Variants in GABRG3 observed in about 807,000 individuals in gnomAD.
GABRG3 encodes gamma-aminobutyric acid receptor subunit gamma-3.
GABRG3 carries 25 observed loss-of-function variants against 48.8 expected under a neutral mutation model. The ratio of observed to expected loss-of-function variants is 0.51; its 90% CI spans 0.37 to 0.72. The LOEUF (loss-of-function observed/expected upper bound fraction) is 0.72. Among genes scored for constraint, GABRG3 ranks in the 30% least tolerant of loss-of-function variants. The pLI is 0.00. For synonymous variants in GABRG3, 227 were observed against 217.6 expected (o/e 1.04, Z -0.38); for missense variants, 394 against 577.9 (o/e 0.68, Z 3.26).
At chr15:27,059,692 G>A (rs893661947) in intron 3 of GABRG3, among the ~76,000 whole-genome samples, 2 of 152,210 alleles carry the variant, frequency 1.3e-5, no homozygotes, top group Admixed American at 1.3e-4. Flanking sequence ...ATGGCATGAA[G>A]GCGAGTGATG....
intron 6 of GABRG3, among the ~76,000 whole-genome samples, chr15:27,482,100 A>T (rs1029980304): frequency 6.6e-5 from 10 of 152,214 alleles, no homozygotes; most frequent in Non-Finnish European, 1.3e-4. Flanking sequence ...AGCTCAGAAA[A>T]GTGGCAAATA....
At chr15:26,997,184 A>G (rs1025105111) in intron 2 of GABRG3, among the ~76,000 whole-genome samples, 6 of 152,006 alleles carry the variant, frequency 3.9e-5, no homozygotes, top group African/African-American at 1.4e-4. Flanking sequence ...TATTATTTCT[A>G]TCTCTTTAAT....
At chr15:27,053,148 C>T (rs1267301004) in intron 3 of GABRG3, among the ~76,000 whole-genome samples, 1 of 152,002 alleles carries the variant, frequency 6.6e-6, no homozygotes, top group Non-Finnish European at 1.5e-5. Flanking sequence ...GCAACAAAAA[C>T]AAAAATTGAC....
rs1271310163 is a variant in GABRG3, at chr15:27,498,259, G to A, written c.712+17472G>A. On this transcript the variant is annotated intron_variant, in intron 6 of 9. Coordinates refer to ENST00000615808, the MANE Select transcript of GABRG3 (RefSeq NM_033223.5). ...CCCTCAGACTGTGAGACTAGTGTTT[G>A]CTGCTTTTACGCTACACTTTGCATT... is the stretch of plus-strand genomic sequence containing the variant. Among the ~76,000 whole-genome samples the A allele has an allele frequency of 5.3e-5, 8 of 152,018 alleles. No individual in the cohort carries two copies. In the South Asian group the frequency reaches 1.5e-3, roughly 28 times the overall value.
At chr15:27,191,390 T>G (rs1011823932) in intron 3 of GABRG3, among the ~76,000 whole-genome samples, 1 of 152,166 alleles carries the variant, frequency 6.6e-6, no homozygotes, top group African/African-American at 2.4e-5. Context: ...AGGACTTGCT[T>G]TATGAATCTG....
At chr15:27,249,308 C>G (rs539429600) in intron 3 of GABRG3, among the ~76,000 whole-genome samples, 1 of 152,264 alleles carries the variant, frequency 6.6e-6, no homozygotes, top group South Asian at 2.1e-4. Flanking sequence ...GGGCACATCC[C>G]CTGTTCCTCA....
intron 5 of GABRG3, among the ~76,000 whole-genome samples, chr15:27,441,683 G>A (rs1320590752): frequency 6.6e-6 from 1 of 152,116 alleles, no homozygotes; most frequent in African/African-American, 2.4e-5. Flanking sequence ...GGGATTGGGG[G>A]AGGCAGGACA....
intron 3 of GABRG3, among the ~76,000 whole-genome samples, chr15:27,066,184 C>A (rs760739995): frequency 1.3e-5 from 2 of 151,996 alleles, no homozygotes; most frequent in Non-Finnish European, 2.9e-5. Flanking sequence ...TTTCCTAAGC[C>A]CTGATAGAGC....
At chr15:27,516,550 G>A (rs1891023980) in intron 6 of GABRG3, among the ~76,000 whole-genome samples, 1 of 152,132 alleles carries the variant, frequency 6.6e-6, no homozygotes, top group Non-Finnish European at 1.5e-5. Flanking sequence ...GTCCAAGATG[G>A]GCAGCAATCT....
chr15:27,101,246 C>T (rs1057422399), intron 3 of GABRG3, among the ~76,000 whole-genome samples: 1 of 152,088 alleles, frequency 6.6e-6, no homozygotes, highest in Non-Finnish European at 1.5e-5. Context: ...ATAAATCTAA[C>T]AAACAGGTAC....
chr15:26,987,736 C>G (rs1895177629), intron 2 of GABRG3, among the ~76,000 whole-genome samples: 1 of 152,104 alleles, frequency 6.6e-6, no homozygotes, highest in Admixed American at 6.5e-5. Context: ...TGTTGTTTTT[C>G]TAGTTTTGAG....
intron 3 of GABRG3, among the ~76,000 whole-genome samples, chr15:27,288,904 G>A (rs570315990): frequency 6.6e-6 from 1 of 152,202 alleles, no homozygotes; most frequent in Non-Finnish European, 1.5e-5. Context: ...TTCTCTGAAA[G>A]GCCTTTGTTT....
intron 5 of GABRG3, among the ~76,000 whole-genome samples, chr15:27,391,958 A>T (rs780307639): frequency 6.6e-6 from 1 of 152,218 alleles, no homozygotes; most frequent in East Asian, 1.9e-4. Context: ...TCATGTGCTG[A>T]AATTTGGTGT....
chr15:27,131,447 T>C (rs1171545010), intron 3 of GABRG3, among the ~76,000 whole-genome samples: 1 of 152,060 alleles, frequency 6.6e-6, no homozygotes, highest in Non-Finnish European at 1.5e-5. Context: ...TAGCATTTCA[T>C]TCAGGATTCT....
At position 27,308,300 on chromosome 15, in the gene GABRG3, T is replaced by TAATATAAACATACGTTTATATATAAA. The variant is rs1566773727; in HGVS notation, c.271-18509_271-18508insAATATAAACATACGTTTATATATAAA. Among the ~76,000 whole-genome samples, 60 of 115,598 alleles carry TAATATAAACATACGTTTATATATAAA rather than the reference T, an allele frequency of 5.2e-4. 1 individual carries two copies. Among genetic ancestry groups the TAATATAAACATACGTTTATATATAAA allele is most frequent in the African/African-American group, 2.7e-3 (53 of 19,702 alleles). The allele number at this position is 115,598 out of a possible 152,430, so 75.8% of individuals were successfully genotyped here. On this transcript the variant is annotated intron_variant, in intron 3 of 9. Transcript: ENST00000615808. ...ATAAACATACGTTTATATATAAACA[T>TAATATAAACATACGTTTATATATAAA]CATATAAACATATATAAACATACGT...
chr15:27,178,205 T>C (rs1345087443), intron 3 of GABRG3, among the ~76,000 whole-genome samples: 1 of 152,208 alleles, frequency 6.6e-6, no homozygotes, highest in African/African-American at 2.4e-5. Flanking sequence ...TATTAACTCT[T>C]GGGCTAATGG....
At chr15:27,010,212 G>A (rs1367797288) in intron 2 of GABRG3, among the ~76,000 whole-genome samples, 1 of 152,148 alleles carries the variant, frequency 6.6e-6, no homozygotes, top group Non-Finnish European at 1.5e-5. Context: ...GGGATCTAGG[G>A]TAATTTGTTG....
chr15:27,515,412 A>C lies in GABRG3; in HGVS notation c.713-4560A>C, dbSNP rs932983424. Among the ~76,000 whole-genome samples the C allele has an allele frequency of 2.0e-5, 3 of 152,258 alleles. No individual in the cohort carries two copies. In the South Asian group the frequency reaches 6.2e-4, roughly 32 times the overall value. ...CCGGCTGGAACTTCTTTTTATAAAC[A>C]AATGTAATAAAGAGAAGAAAAAGAC... On this transcript the variant is annotated intron_variant, in intron 6 of 9. Transcript: ENST00000615808.
intron 5 of GABRG3, among the ~76,000 whole-genome samples, chr15:27,337,797 T>A (rs1894025643): frequency 6.6e-6 from 1 of 152,188 alleles, no homozygotes; most frequent in Non-Finnish European, 1.5e-5. Flanking sequence ...AGCCATAAAA[T>A]CTATGCAAAT....
Sources: allele counts gnomAD v4.1 joint callset (sites outside exome capture counted in the v4.1 genomes callset), GRCh38; gene constraint gnomAD v4.1.1; transcripts MANE v1.5; gene names NCBI Gene and HGNC (gene_info 2026-07-23, HGNC 2026-07-21).